The following ZNF148 variants were observed in gnomAD, a reference collection of about 807,000 sequenced individuals.
The protein encoded by ZNF148 is Beta-Enolase Repressor Factor-1.
ZNF148 carries 7 observed loss-of-function variants against 67.7 expected under a neutral mutation model. The observed-to-expected ratio is 0.10, with a 90% CI of 0.06 to 0.19. The LOEUF (loss-of-function observed/expected upper bound fraction) is 0.19. Ranked by LOEUF, ZNF148 falls within the 10% of genes least tolerant of loss-of-function variation. The pLI, the probability that ZNF148 is intolerant of heterozygous loss-of-function variation, is 1.00. For synonymous variants in ZNF148, 333 were observed against 330.7 expected (o/e 1.01, Z -0.08); for missense variants, 583 against 947.1 (o/e 0.62, Z 5.05).
chr3:125,329,365 T>C (rs1197084748), intron 2 of ZNF148, among the ~76,000 whole-genome samples: 5 of 124,004 alleles, frequency 4.0e-5, no homozygotes, highest in African/African-American at 6.3e-5. Flanking sequence ...ATAAAATTTT[T>C]TTTTTTTTTT....
rs775021775 is a variant in ZNF148, at chr3:125,233,475, A to G, written c.1251T>C (p.Tyr417=). 1 of 1,613,832 alleles carries G rather than the reference A, an allele frequency of 6.2e-7. No homozygotes were observed. The highest frequency in any genetic ancestry group is 1.7e-5 in the Admixed American group (1 of 59,930). The part of the protein sequence containing the change: ...QNQTISPLST[Y]EESKVSKYAF... ...CATACTTTGAAACTTTGCTCTCTTC[A>G]TATGTGGATAAAGGTGAAATTGTTT... Residue 417 remains tyrosine, a synonymous_variant, in exon 9 of 9, where the codon TAT becomes TAC. Transcript: ENST00000360647. This position sits in a 1 kb window ranked among gnomAD's most constrained non-coding sequence, Gnocchi z 5.1.
intron 3 of ZNF148, among the ~76,000 whole-genome samples, chr3:125,316,239 C>T (rs1220353610): frequency 6.6e-6 from 1 of 152,204 alleles, no homozygotes; most frequent in Non-Finnish European, 1.5e-5. Flanking sequence ...TCTTTATCCA[C>T]TCATCTGTTC....
intron 1 of ZNF148, among the ~76,000 whole-genome samples, chr3:125,349,886 T>A (rs1408254903): frequency 6.6e-6 from 1 of 152,026 alleles, no homozygotes; most frequent in Non-Finnish European, 1.5e-5. Context: ...GACCCCACAA[T>A]CCCATTACTG....
chr3:125,331,698 G>A (rs918142877), intron 1 of ZNF148, among the ~76,000 whole-genome samples: 2 of 152,110 alleles, frequency 1.3e-5, no homozygotes, highest in African/African-American at 4.8e-5. Flanking sequence ...TGCAGTTTTT[G>A]AAAACACAAA....
Position 125,288,190 on chromosome 3 carries a change from A to C in ZNF148, c.372T>G (p.Ser124=), listed in dbSNP as rs202135115. The C allele has an allele frequency of 3.0e-5, 48 of 1,613,706 alleles. No individual in the cohort carries two copies. In the East Asian group the frequency reaches 1.1e-3, roughly 36 times the overall value. ...GTTTTTTGTCTCTCATCAGTTGCTCAGATACATCAGTAAAAGTAATTTCCT... is the reference window on the plus strand; with the variant it reads ...GTTTTTTGTCTCTCATCAGTTGCTCCGATACATCAGTAAAAGTAATTTCCT... ...VKQEITFTDV[S]EQLMRDKKQI... is the part of the protein sequence containing the mutation. The change falls in exon 5 of 9, where the codon TCT becomes TCG. Residue 124 remains serine, a synonymous_variant. Transcript: ENST00000360647.
At chr3:125,350,882 T>C (rs74605332) in intron 1 of ZNF148, among the ~76,000 whole-genome samples, 4,648 of 152,214 alleles carry the variant, frequency 0.031, 236 homozygotes, top group African/African-American at 0.1. Flanking sequence ...TTCTATAACG[T>C]TGACAACATG....
chr3:125,293,667 G>A (rs1939137199), intron 4 of ZNF148, among the ~76,000 whole-genome samples: 1 of 152,262 alleles, frequency 6.6e-6, no homozygotes, highest in African/African-American at 2.4e-5. Context: ...AGCAACAACA[G>A]TACTGGATTA....
chr3:125,280,907 A>G (rs747886066), intron 5 of ZNF148, among the ~76,000 whole-genome samples: 25 of 152,140 alleles, frequency 1.6e-4, no homozygotes, highest in Admixed American at 4.6e-4. Flanking sequence ...CAACAAAGGT[A>G]GAGAAATCTG....
chr3:125,249,500 TC>T (rs1158586244), intron 7 of ZNF148, among the ~76,000 whole-genome samples: 2 of 152,030 alleles, frequency 1.3e-5, no homozygotes. Flanking sequence ...ATGGCTATTA[TC>T]AAAAAGTCAA....
At chr3:125,266,148 T>G (rs1027489597) in intron 7 of ZNF148, among the ~76,000 whole-genome samples, 1 of 152,134 alleles carries the variant, frequency 6.6e-6, no homozygotes, top group African/African-American at 2.4e-5. Flanking sequence ...CTGACAGCCT[T>G]AAATAGATTA....
intron 3 of ZNF148, among the ~76,000 whole-genome samples, chr3:125,313,889 T>C (rs1232003928): frequency 3.9e-5 from 6 of 152,102 alleles, no homozygotes; most frequent in African/African-American, 1.4e-4. Flanking sequence ...TACTTTATTA[T>C]TGAAAAATAA....
chr3:125,347,861 T>C (rs1942003367), intron 1 of ZNF148, among the ~76,000 whole-genome samples: 1 of 152,032 alleles, frequency 6.6e-6, no homozygotes, highest in Admixed American at 6.6e-5. Context: ...ACCAAGACAA[T>C]TCAGTAGAGA....
rs1281082936 is a variant in ZNF148, at chr3:125,229,330, G to A, written c.*3011C>T. 2 of 151,662 alleles carry A rather than the reference G, an allele frequency of 1.3e-5. No individual in the cohort carries two copies. The highest frequency in any genetic ancestry group is 2.9e-5 in the Non-Finnish European group (2 of 67,956). The allele number at this position is 151,662 out of a possible 1,614,324, so 9.4% of individuals were successfully genotyped here. A position where few individuals can be genotyped will look rare whatever the true frequency, so the allele number is the denominator to read the frequency against. On this transcript the variant is annotated 3_prime_UTR_variant, in exon 9 of 9. Coordinates refer to ENST00000360647, the MANE Select transcript of ZNF148 (RefSeq NM_021964.3). ...CTCTGTGGAAACGAAATCCTGCCCTGAGCACAATTCTTGACATAACTGCCT... is the reference window on the plus strand; with the variant it reads ...CTCTGTGGAAACGAAATCCTGCCCTAAGCACAATTCTTGACATAACTGCCT...
intron 7 of ZNF148, among the ~76,000 whole-genome samples, chr3:125,275,236 G>A (rs1272994917): frequency 6.6e-6 from 1 of 152,140 alleles, no homozygotes; most frequent in Non-Finnish European, 1.5e-5. Flanking sequence ...CTTTGTTAAG[G>A]AACCCTAGTG....
rs1369665728 is a variant in ZNF148, at chr3:125,309,071, C to T, written c.333+4237G>A. Among the ~76,000 whole-genome samples the T allele has an allele frequency of 2.6e-5, 4 of 152,076 alleles. No individual in the cohort carries two copies. The East Asian group carries it at 7.7e-4, about 29-fold the overall frequency. ...AATCTATGAAGAAAAAATATCAGAA[C>T]AACTGTTGTGGAGGAATTGACTGGG... On this transcript the variant is annotated intron_variant, in intron 4 of 8. Coordinates refer to ENST00000360647, the MANE Select transcript of ZNF148 (RefSeq NM_021964.3).
At chr3:125,258,144 TG>T (rs1937170228) in intron 7 of ZNF148, among the ~76,000 whole-genome samples, 2 of 151,896 alleles carry the variant, frequency 1.3e-5, no homozygotes, top group South Asian at 4.2e-4. Flanking sequence ...ATCTTCCAGC[TG>T]GGTGCGGTGG....
intron 1 of ZNF148, among the ~76,000 whole-genome samples, chr3:125,361,362 C>A (rs1942536710): frequency 6.6e-6 from 1 of 152,062 alleles, no homozygotes; most frequent in African/African-American, 2.4e-5. Flanking sequence ...CTCCAGAACA[C>A]CCTCCTATTT....
At chr3:125,238,906 A>G (rs1936218061) in intron 7 of ZNF148, among the ~76,000 whole-genome samples, 1 of 152,246 alleles carries the variant, frequency 6.6e-6, no homozygotes, top group Non-Finnish European at 1.5e-5. Context: ...TGACACATAC[A>G]AAGAATGAAG....
intron 1 of ZNF148, among the ~76,000 whole-genome samples, chr3:125,359,659 G>A (rs1020606792): frequency 6.6e-6 from 1 of 152,164 alleles, no homozygotes; most frequent in Non-Finnish European, 1.5e-5. Context: ...TGGTTCTCAA[G>A]CACACAAATA....
Sources: allele counts gnomAD v4.1 joint callset (sites outside exome capture counted in the v4.1 genomes callset), GRCh38; gene constraint gnomAD v4.1.1; non-coding constraint Gnocchi (gnomAD v3.1); transcripts MANE v1.5; gene names NCBI Gene and HGNC (gene_info 2026-07-23, HGNC 2026-07-21).